Variants in PDCD11 observed in about 807,000 individuals in gnomAD.
The protein encoded by PDCD11 is programmed cell death 11.
PDCD11 carries 97 observed loss-of-function variants against 198.9 expected under a neutral mutation model. That is an observed-to-expected ratio of 0.49 (90% CI 0.41 to 0.58). PDCD11 has a LOEUF of 0.58. PDCD11 is among the 20% of genes least tolerant of loss of function. PDCD11 has a pLI of 0.00. For missense variants in PDCD11, 2,102 were observed against 2,312.7 expected (o/e 0.91, Z 1.87); for synonymous variants, 893 against 918.0 (o/e 0.97, Z 0.49).
At chr10:103,426,815 G>A (rs183040730) in intron 20 of PDCD11, among the ~76,000 whole-genome samples, 1 of 151,832 alleles carries the variant, frequency 6.6e-6, no homozygotes, top group African/African-American at 2.4e-5. Flanking sequence ...GGTGAGGCTG[G>A]GTGTAGTGGC....
chr10:103,409,880 C>CA (rs2030691712), intron 8 of PDCD11, 74 bp downstream of exon 8: 2 of 1,079,726 alleles, frequency 1.9e-6, no homozygotes, highest in Admixed American at 3.4e-5. Context: ...CAGCTAGCTA[C>CA]AGGGAGGTCC....
At chr10:103,400,360 T>C in intron 2 of PDCD11, 37 bp from the exon 3 acceptor site, 7 of 1,591,586 alleles carry the variant, frequency 4.4e-6, no homozygotes, top group Non-Finnish European at 6.0e-6. Context: ...CTTCTTATTC[T>C]TTTGGGTCTT....
Position 103,419,687 on chromosome 10 carries a change from T to G in PDCD11, c.2256T>G (p.Leu752=). ...TGTTCATCCAGTTCCCCTCAGGTCT[T>G]AGCGGACTGGCCCCAAAAGCTGTAA... ...YGVFIQFPSG[L]SGLAPKAIMS... The change falls in exon 16 of 36, where the codon CTT becomes CTG. Residue 752 remains leucine, a synonymous_variant. Transcript: ENST00000369797. 2 of 1,614,064 alleles carry G rather than the reference T, an allele frequency of 1.2e-6. No homozygotes were observed. The highest frequency in any genetic ancestry group is 3.3e-5 in the Admixed American group (2 of 60,016).
chr10:103,419,533 A>T lies in PDCD11; in HGVS notation c.2107-5A>T. ...CTGGAACATTCCTTGATGAAGTACC[A>T]CTAGCTTCTTTGCAGGAAGCCAGCC... is the stretch of plus-strand genomic sequence containing the variant. On this transcript the variant is annotated splice_polypyrimidine_tract_variant and splice_region_variant and intron_variant, in intron 15 of 35. Transcript: ENST00000369797. The T allele has an allele frequency of 6.2e-7, 1 of 1,612,668 alleles. No individual in the cohort carries two copies. Among genetic ancestry groups the T allele is most frequent in the South Asian group, 1.1e-5 (1 of 90,846 alleles).
chr10:103,401,104 A>G (rs2030019916), intron 3 of PDCD11, among the ~76,000 whole-genome samples: 1 of 152,086 alleles, frequency 6.6e-6, no homozygotes, highest in African/African-American at 2.4e-5. Flanking sequence ...GTGTCCTCAC[A>G]GGACTTGAGT....
intron 8 of PDCD11, among the ~76,000 whole-genome samples, chr10:103,411,505 A>G (rs2030805585): frequency 6.6e-6 from 1 of 152,058 alleles, no homozygotes; most frequent in African/African-American, 2.4e-5. Context: ...AGCTGGGACT[A>G]CGGATGCATG....
At chr10:103,441,801 C>T in intron 30 of PDCD11, 25 bp from the exon 31 acceptor site, 1 of 1,609,622 alleles carries the variant, frequency 6.2e-7, no homozygotes, top group Non-Finnish European at 8.5e-7. Context: ...CAGGTGCTTT[C>T]TTTAGCGCCT....
chr10:103,441,881 C>T lies in PDCD11; in HGVS notation c.4613C>T (p.Ala1538Val), dbSNP rs754425637. The T allele has an allele frequency of 4.0e-5, 65 of 1,614,048 alleles. No homozygotes were observed. Among genetic ancestry groups the T allele is most frequent in the Non-Finnish European group, 5.3e-5 (63 of 1,179,998 alleles). The change falls in exon 31 of 36, where the codon GCT becomes GTT. Residue 1538 changes from alanine to valine, a missense_variant. Transcript: ENST00000369797. ...APRLQLSSGFAWNVGLDSLTP... is the reference protein window; with the variant it reads ...APRLQLSSGFVWNVGLDSLTP... Reference sequence around the variant, plus strand: ...CGGCTGCAGCTGTCTTCAGGCTTCGCTTGGAATGTGGGACTAGACTCTCTG... The same window carrying T: ...CGGCTGCAGCTGTCTTCAGGCTTCGTTTGGAATGTGGGACTAGACTCTCTG...
chr10:103,440,473 G>A lies in PDCD11; in HGVS notation c.4332G>A (p.Gln1444=), dbSNP rs2032333262. ...KNQKRNEKKN[Q]KGQEEVEMPS... ...AGAAAAGGAACGAGAAGAAGAACCA[G>A]AAGGGGCAGGAGGAGGTGGAGATGC... The change falls in exon 29 of 36, where the codon CAG becomes CAA. Residue 1444 remains glutamine (Q), a synonymous_variant. Coordinates refer to ENST00000369797, the MANE Select transcript of PDCD11 (RefSeq NM_014976.2). The A allele has an allele frequency of 1.9e-6, 3 of 1,614,058 alleles. No homozygotes were observed. The East Asian group carries it at 6.7e-5, about 36-fold the overall frequency.
intron 13 of PDCD11, 85 bp downstream of exon 13, chr10:103,416,827 C>T: frequency 1.4e-5 from 20 of 1,469,308 alleles, no homozygotes; most frequent in Non-Finnish European, 1.8e-5. Flanking sequence ...GTGGGGCTGC[C>T]TTTAGGAGGC....
At chr10:103,413,054 G>A (rs562691737) in intron 8 of PDCD11, 62 bp from the exon 9 acceptor site, 1 of 1,277,822 alleles carries the variant, frequency 7.8e-7, no homozygotes, top group East Asian at 2.3e-5. Flanking sequence ...ATGCCTGGAA[G>A]GTCTGCTCTA....
intron 16 of PDCD11, among the ~76,000 whole-genome samples, chr10:103,419,941 C>T (rs933583095): frequency 2.8e-5 from 4 of 144,156 alleles, no homozygotes; most frequent in Non-Finnish European, 6.0e-5. Flanking sequence ...AGGTGCCCAC[C>T]AACATGCCAG....
chr10:103,434,994 C>G lies in PDCD11; in HGVS notation c.3845+19C>G, dbSNP rs995700725. 6.8e-7 allele frequency: 1 copy of G among 1,462,272 alleles called. No homozygotes were observed. Among genetic ancestry groups the G allele is most frequent in the Non-Finnish European group, 9.1e-7 (1 of 1,097,434 alleles). The allele number at this position is 1,462,272 out of a possible 1,614,324, so 90.6% of individuals were successfully genotyped here. On this transcript the variant is annotated intron_variant, in intron 25 of 35. Coordinates refer to ENST00000369797, the MANE Select transcript of PDCD11 (RefSeq NM_014976.2). ...TTGTCAGGTAAGCGAAGTGTTCTTC[C>G]TCTTTTCACCTGTCTGTGGAATTGG...
rs752355510 is a variant in PDCD11, at chr10:103,396,719, G to A, written c.-23G>A. ...AGGTTAGTGGTAGCTGGGTGCAGAC[G>A]CCGTGGCGCTGGTGAGTAAAGGCAG... is the stretch of plus-strand genomic sequence containing the variant. On this transcript the variant is annotated 5_prime_UTR_variant, in exon 1 of 36. Transcript: ENST00000369797. 6.6e-6 allele frequency: 1 copy of A among 152,620 alleles called. No individual in the cohort carries two copies. The highest frequency in any genetic ancestry group is 1.5e-5 in the Non-Finnish European group (1 of 68,380). The allele number at this position is 152,620 out of a possible 1,614,324, so 9.5% of individuals were successfully genotyped here.
In PDCD11 at chr10:103,446,128, G is replaced by A; in HGVS notation, c.*579G>A. Reference sequence around the variant, plus strand: ...GCTGCTGAGGAAAGCCACGGGTGTTGGCGTGAACTGATGATGTCTCATCCC... The same window carrying A: ...GCTGCTGAGGAAAGCCACGGGTGTTAGCGTGAACTGATGATGTCTCATCCC... On this transcript the variant is annotated 3_prime_UTR_variant, in exon 36 of 36. Transcript: ENST00000369797. The A allele has an allele frequency of 6.5e-6, 1 of 154,478 alleles. No individual in the cohort carries two copies. The highest frequency in any genetic ancestry group is 1.4e-5 in the Non-Finnish European group (1 of 69,438). The allele number at this position is 154,478 out of a possible 1,614,324, so 9.6% of individuals were successfully genotyped here.
chr10:103,418,293 TTGGGGTGGTGGG>T (rs2031230443), intron 14 of PDCD11, 135 bp from the exon 15 acceptor site: 6 of 654,150 alleles, frequency 9.2e-6, no homozygotes, highest in Non-Finnish European at 1.6e-5. Context: ...TGCTGGGTGG[TTGGGGTGGTGGG>T]TGGGGTTTGG....
At chr10:103,442,529 G>C (rs912062711) in intron 32 of PDCD11, 69 bp downstream of exon 32, 1 of 1,552,950 alleles carries the variant, frequency 6.4e-7, no homozygotes, top group Non-Finnish European at 8.7e-7. Flanking sequence ...TCAACCTGTG[G>C]GGTAGCTCCT....
At position 103,440,622 on chromosome 10, in the gene PDCD11, TGGAGGGACAGCCATGAGGGCGTGG is replaced by T. The variant is rs747677217; in HGVS notation, c.4440+45_4440+68del. ...GGGCTGTGGCTGCCTATCCTCCTCC[TGGAGGGACAGCCATGAGGGCGTGG>T]GGACAGGGCACCCAGTGGGGCCGAG... On this transcript the variant is annotated intron_variant, in intron 29 of 35. Transcript: ENST00000369797. 29 of 1,609,362 alleles carry T rather than the reference TGGAGGGACAGCCATGAGGGCGTGG, an allele frequency of 1.8e-5. No individual in the cohort carries two copies. In the Admixed American group the frequency reaches 3.8e-4, roughly 21 times the overall value.
rs767813727 is a variant in PDCD11, at chr10:103,438,693, C to G, written c.3910C>G (p.Pro1304Ala). 6.2e-7 allele frequency: 1 copy of G among 1,614,056 alleles called. No homozygotes were observed. Among genetic ancestry groups the G allele is most frequent in the Non-Finnish European group, 8.5e-7 (1 of 1,180,006 alleles). The change falls in exon 27 of 36, where the codon CCG becomes GCG. Residue 1304 changes from proline (P) to alanine (A), a missense_variant. Transcript: ENST00000369797. ...AGCCTTTTATTCCTTTAGAACAAACCCGGAGACGAAAAGCAAAGTAGAAGA... is the reference window on the plus strand; with the variant it reads ...AGCCTTTTATTCCTTTAGAACAAACGCGGAGACGAAAAGCAAAGTAGAAGA... ...TLSLRSSRTN[P>A]ETKSKVEDPE...
Sources: gnomAD v4.1 joint callset for allele counts (sites outside exome capture counted in the v4.1 genomes callset) on GRCh38, gnomAD v4.1.1 for gene constraint, MANE v1.5 for transcripts, NCBI Gene and HGNC (gene_info 2026-07-23, HGNC 2026-07-21) for gene names.